The following KIAA1755 variants were observed in gnomAD, a reference collection of about 807,000 sequenced individuals.
KIAA1755 encodes the protein KIAA1755.
Under a neutral mutation model 91.7 loss-of-function variants are expected in KIAA1755, and 68 were observed. The observed-to-expected ratio is 0.74, with a 90% CI of 0.61 to 0.91. The LOEUF (loss-of-function observed/expected upper bound fraction) is 0.91. Among genes scored for constraint, KIAA1755 ranks in the 40% least tolerant of loss-of-function variants. The pLI, the probability that KIAA1755 is intolerant of heterozygous loss-of-function variation, is 0.00. For missense variants in KIAA1755, 1,535 were observed against 1,494.4 expected (o/e 1.03, Z -0.45); for synonymous variants, 610 against 604.6 (o/e 1.01, Z -0.13).
At position 38,260,546 on chromosome 20, in the gene KIAA1755, G is replaced by T; in HGVS notation, c.-46C>A. 6.7e-7 allele frequency: 1 copy of T among 1,482,882 alleles called. No homozygotes were observed. 91.9% of individuals were successfully genotyped at this position (1,482,882 alleles called of 1,614,324 possible). A position where few individuals can be genotyped will look rare whatever the true frequency, so the allele number is the denominator to read the frequency against. ...GGGCGGCGCGGCTCCTCTCCTGGGC[G>T]CGGGGTCTGTGGGTCCGCGGGTCCG... is the stretch of plus-strand genomic sequence containing the variant. On this transcript the variant is annotated 5_prime_UTR_variant, in exon 1 of 14. Coordinates refer to ENST00000279024, the MANE Select transcript of KIAA1755 (RefSeq NM_001029864.2).
At chr20:38,223,507 A>G (rs773280119) in intron 9 of KIAA1755, 31 bp downstream of exon 9, 1 of 1,503,602 alleles carries the variant, frequency 6.7e-7, no homozygotes, top group South Asian at 1.2e-5. Flanking sequence ...GGTGTGATGT[A>G]GCTTCCCCAG....
At chr20:38,250,388 G>A (rs2076225758) in intron 1 of KIAA1755, among the ~76,000 whole-genome samples, 1 of 151,980 alleles carries the variant, frequency 6.6e-6, no homozygotes, top group South Asian at 2.1e-4. Context: ...GGTAATACAT[G>A]CGAATTCTCT....
chr20:38,253,039 C>G (rs1241437833), intron 1 of KIAA1755, among the ~76,000 whole-genome samples: 1 of 150,362 alleles, frequency 6.7e-6, no homozygotes. Flanking sequence ...GATGTGTTTC[C>G]ATTCCTTCCC....
chr20:38,231,992 T>A lies in KIAA1755; in HGVS notation c.1748-667A>T, dbSNP rs114832836. 5.5e-3 allele frequency among the ~76,000 whole-genome samples: 833 copies of A among 152,286 alleles called. 15 individuals are homozygous for A. Among genetic ancestry groups the A allele is most frequent in the African/African-American group, 0.019 (804 of 41,562 alleles). ...TGCCTCACTCTCCCCACAGGAGTCA[T>A]GAGGCTGAGGCTCCGGGAGCCAGTA... On this transcript the variant is annotated intron_variant, in intron 4 of 13. Coordinates refer to ENST00000279024, the MANE Select transcript of KIAA1755 (RefSeq NM_001029864.2).
Position 38,227,141 on chromosome 20 carries a change from G to A in KIAA1755, c.2052+13C>T. ...ACTCCCTTCCTCAACCGCCGACCCT[G>A]AGTCCCCCTCACCTGGACGTCAGGT... is the stretch of plus-strand genomic sequence containing the variant. On this transcript the variant is annotated intron_variant, in intron 7 of 13. Transcript: ENST00000279024. 1.2e-6 allele frequency: 2 copies of A among 1,609,560 alleles called. No homozygotes were observed.
chr20:38,218,939 C>A (rs966849611), intron 11 of KIAA1755, among the ~76,000 whole-genome samples: 1 of 152,086 alleles, frequency 6.6e-6, no homozygotes, highest in Non-Finnish European at 1.5e-5. Context: ...GGCTCTCAAC[C>A]CCGAGTGGAA....
intron 1 of KIAA1755, among the ~76,000 whole-genome samples, chr20:38,252,055 C>A (rs996261973): frequency 6.6e-6 from 1 of 152,158 alleles, no homozygotes; most frequent in Non-Finnish European, 1.5e-5. Flanking sequence ...TGCATCCTAA[C>A]CTCAGGGAAA....
At position 38,250,863 on chromosome 20, in the gene KIAA1755, G is replaced by A. The variant is rs116161401; in HGVS notation, c.4-4737C>T. Among the ~76,000 whole-genome samples, 780 of 152,088 alleles carry A rather than the reference G, an allele frequency of 5.1e-3. 11 individuals carry two copies. The highest frequency in any genetic ancestry group is 0.04 in the East Asian group (206 of 5,170). On this transcript the variant is annotated intron_variant, in intron 1 of 13. Transcript: ENST00000279024. ...GGCGGCCATGTTACCAGGCACATGT[G>A]GGGGCAAGGGCAAGAAGAAGAAGGT...
At chr20:38,221,613 T>A (rs2075660713) in intron 10 of KIAA1755, among the ~76,000 whole-genome samples, 1 of 152,168 alleles carries the variant, frequency 6.6e-6, no homozygotes. Context: ...AAAATAGGCA[T>A]AATATCTGCA....
At chr20:38,244,353 G>C (rs139458288) in intron 2 of KIAA1755, among the ~76,000 whole-genome samples, 82 of 152,304 alleles carry the variant, frequency 5.4e-4, no homozygotes, top group Non-Finnish European at 9.4e-4. Context: ...TATGAGCCAG[G>C]CTCTGTGCTA....
At chr20:38,236,227 G>A (rs143371282) in intron 4 of KIAA1755, among the ~76,000 whole-genome samples, 4 of 152,306 alleles carry the variant, frequency 2.6e-5, no homozygotes, top group African/African-American at 9.6e-5. Context: ...GGGGTGAGGG[G>A]ATGTGAAGTC....
Position 38,240,797 on chromosome 20 carries a change from T to C in KIAA1755, c.1334A>G (p.Glu445Gly), listed in dbSNP as rs767936973. The C allele has an allele frequency of 1.2e-6, 2 of 1,611,414 alleles. No homozygotes were observed. The highest frequency in any genetic ancestry group is 1.1e-5 in the South Asian group (1 of 90,626). ...SETKIEVKTK[E>G]RNGRLPKPMP... ...GGGCTTGGGAAGTCTCCCATTTCTC[T>C]CTTTGGTCTTCACCTCTATCTTTGT... is the stretch of plus-strand genomic sequence containing the variant. The change falls in exon 3 of 14, where the codon GAG (glutamate) becomes GGG (glycine). Residue 445 changes from glutamate (E) to glycine (G), a missense_variant. Glu to Gly is a moderately conservative substitution (Grantham distance 98, BLOSUM62 -2). Coordinates refer to ENST00000279024, the MANE Select transcript of KIAA1755 (RefSeq NM_001029864.2).
At chr20:38,254,514 G>T (rs949240371) in intron 1 of KIAA1755, among the ~76,000 whole-genome samples, 1 of 152,172 alleles carries the variant, frequency 6.6e-6, no homozygotes, top group Non-Finnish European at 1.5e-5. Flanking sequence ...GGGGCCGGGT[G>T]CAGTGGCTCA....
chr20:38,228,935 A>C (rs761427501), intron 5 of KIAA1755, among the ~76,000 whole-genome samples: 4 of 152,134 alleles, frequency 2.6e-5, no homozygotes, highest in Admixed American at 1.3e-4. Flanking sequence ...TTCAGTGACT[A>C]TCTTAGGATT....
At chr20:38,256,583 C>T (rs1426372888) in intron 1 of KIAA1755, among the ~76,000 whole-genome samples, 3 of 152,142 alleles carry the variant, frequency 2.0e-5, no homozygotes, top group East Asian at 1.9e-4. Flanking sequence ...GCAGGAGAAT[C>T]GCTTGAGCCC....
rs760686775 is a variant in KIAA1755 at position 38,213,153 on chromosome 20, G to C, written c.3492C>G (p.Pro1164=). ...LATTFFRQQP[P]RQSQVPRLTG... is the part of the protein sequence containing the mutation. ...TGAGGCGAGGGACCTGGCTCTGCCT[G>C]GGGGGCTGCTGCCGGAAGAAGGTGG... The change falls in exon 14 of 14, where the codon CCC becomes CCG. Residue 1164 remains proline (P), a synonymous_variant. Transcript: ENST00000279024. 7 of 1,613,204 alleles carry C rather than the reference G, an allele frequency of 4.3e-6. No homozygotes were observed. The highest frequency in any genetic ancestry group is 1.7e-5 in the Admixed American group (1 of 59,990).
In KIAA1755 at chr20:38,218,468, A is replaced by C; in HGVS notation, c.2557-102T>G. ...AGGCTGAGGTCTTCTGTCTTCACTC[A>C]TTCAGTGGCTAGGCCTGTGACCACT... On this transcript the variant is annotated intron_variant, in intron 11 of 13. Coordinates refer to ENST00000279024, the MANE Select transcript of KIAA1755 (RefSeq NM_001029864.2). 4 of 1,480,636 alleles carry C rather than the reference A, an allele frequency of 2.7e-6. No individual in the cohort carries two copies. The Admixed American group carries it at 5.9e-5, about 22-fold the overall frequency. The allele number at this position is 1,480,636 out of a possible 1,614,324, so 91.7% of individuals were successfully genotyped here.
At chr20:38,246,975 C>A (rs1041307226) in intron 1 of KIAA1755, among the ~76,000 whole-genome samples, 4 of 152,186 alleles carry the variant, frequency 2.6e-5, no homozygotes, top group Non-Finnish European at 5.9e-5. Flanking sequence ...CTGTCCCCTG[C>A]CCCCGCCCTG....
intron 8 of KIAA1755, 70 bp from the exon 9 acceptor site, chr20:38,223,706 G>T: frequency 1.7e-6 from 2 of 1,146,566 alleles, no homozygotes; most frequent in South Asian, 1.4e-5. Flanking sequence ...TGCATCTCAG[G>T]AGCACAGAGG....
Sources: gnomAD v4.1 joint callset for allele counts (sites outside exome capture counted in the v4.1 genomes callset) on GRCh38, gnomAD v4.1.1 for gene constraint, MANE v1.5 for transcripts, NCBI Gene and HGNC (gene_info 2026-07-23, HGNC 2026-07-21) for gene names.